Variants in DOCK9 observed in about 807,000 individuals in gnomAD.
The protein encoded by DOCK9 is dedicator of cytokinesis 9.
DOCK9 carries 89 observed loss-of-function variants against 263.3 expected under a neutral mutation model. That is an observed-to-expected ratio of 0.34 (90% confidence interval 0.28 to 0.40). The LOEUF is 0.40. DOCK9 is among the 10% of genes least tolerant of loss of function. DOCK9 has a pLI of 1.00. For synonymous variants in DOCK9, 976 were observed against 973.1 expected, an observed-to-expected ratio of 1.00 and a Z score of -0.06; for missense variants, 2,140 against 2,603.4, an observed-to-expected ratio of 0.82 and a Z score of 3.87.
At chr13:98,954,021 GA>G (rs1194055447) in intron 2 of DOCK9, among the ~76,000 whole-genome samples, 2 of 151,982 alleles carry the variant, frequency 1.3e-5, no homozygotes, top group East Asian at 3.8e-4. Flanking sequence ...AATTTGGTGG[GA>G]AAAAACCTTC....
chr13:99,087,570 C>T (rs1566415308), upstream of DOCK9, among the ~76,000 whole-genome samples: 1 of 152,164 alleles, frequency 6.6e-6, no homozygotes, highest in Non-Finnish European at 1.5e-5. Flanking sequence ...ACTTTCCCCC[C>T]AATACCCTAA....
intron 1 of DOCK9, among the ~76,000 whole-genome samples, chr13:98,968,357 A>G (rs1312993243): frequency 6.6e-6 from 1 of 152,158 alleles, no homozygotes; most frequent in Non-Finnish European, 1.5e-5. Context: ...GTGGTGGCTC[A>G]TGCATGTAAT....
intron 27 of DOCK9, among the ~76,000 whole-genome samples, chr13:98,869,476 C>T (rs1190792004): frequency 6.6e-6 from 1 of 152,200 alleles, no homozygotes; most frequent in East Asian, 1.9e-4. Flanking sequence ...GCTGCACTTC[C>T]CCTGTGTCTA....
chr13:98,835,587 A>T (rs2092961441), intron 39 of DOCK9, among the ~76,000 whole-genome samples: 1 of 152,192 alleles, frequency 6.6e-6, no homozygotes, highest in Non-Finnish European at 1.5e-5. Flanking sequence ...GCCCTTTGCC[A>T]CAGGACCAGT....
chr13:98,898,036 T>C, intron 14 of DOCK9, 143 bp downstream of exon 14: 1 of 648,992 alleles, frequency 1.5e-6, no homozygotes, highest in East Asian at 2.8e-5. Flanking sequence ...TACCAAATGA[T>C]TTTTTCAAAA....
At chr13:98,942,316 G>C (rs2056066270) in intron 2 of DOCK9, among the ~76,000 whole-genome samples, 3 of 148,976 alleles carry the variant, frequency 2.0e-5, no homozygotes, top group African/African-American at 7.5e-5. Flanking sequence ...TTGGCTCACT[G>C]CAAGATCCGC....
chr13:99,058,645 C>T (rs2041041000), intron 1 of DOCK9, among the ~76,000 whole-genome samples: 1 of 152,162 alleles, frequency 6.6e-6, no homozygotes. Flanking sequence ...TCCCCCCATC[C>T]ACCCTCACCC....
At chr13:98,905,445 G>A (rs1164478276) in intron 9 of DOCK9, among the ~76,000 whole-genome samples, 3 of 152,156 alleles carry the variant, frequency 2.0e-5, no homozygotes, top group Admixed American at 2.0e-4. Context: ...CACCTCCCAA[G>A]GGAAGGCCCA....
At chr13:98,856,121 G>T in intron 33 of DOCK9, 90 bp from the exon 34 acceptor site, 2 of 1,384,206 alleles carry the variant, frequency 1.4e-6, no homozygotes, top group African/African-American at 1.4e-5. Flanking sequence ...TGCTTTTATT[G>T]CACTTATTTT....
chr13:98,868,059 G>C (rs776986425), intron 28 of DOCK9, 48 bp from the exon 29 acceptor site: 1 of 1,579,958 alleles, frequency 6.3e-7, no homozygotes, highest in African/African-American at 1.3e-5. Flanking sequence ...CAAACATTTC[G>C]GAAATTTGGA....
intron 1 of DOCK9, among the ~76,000 whole-genome samples, chr13:99,033,902 G>C (rs867613385): frequency 3.0e-4 from 45 of 152,116 alleles, no homozygotes; most frequent in Admixed American, 7.9e-4. Flanking sequence ...GGAAAAAATA[G>C]AGATCAAAAT....
At position 98,855,990 on chromosome 13, in the gene DOCK9, T is replaced by C; in HGVS notation, c.3739A>G (p.Arg1247Gly). The C allele has an allele frequency of 6.2e-7, 1 of 1,613,990 alleles. No homozygotes were observed. Among genetic ancestry groups the C allele is most frequent in the Non-Finnish European group, 8.5e-7 (1 of 1,179,846 alleles). Residue 1247 changes from arginine to glycine, a missense_variant, in exon 34 of 53, where the codon AGA (arginine) becomes GGA (glycine). By Grantham distance (125) the Arg-to-Gly change is moderately radical. Around this residue, in one of 2 missense-constraint regions of DOCK9, gnomAD observed 1,521 missense variants for 1,741.7 expected, o/e 0.87. Coordinates refer to ENST00000682017, the MANE Select transcript of DOCK9 (RefSeq NM_001366683.2). The part of the protein sequence containing the change: ...TTSTPNINSV[R>G]NADSRGSLIS... Reference sequence around the variant, plus strand: ...AGAGATCCTCTCGAATCAGCATTTCTCACACTGTTGATGTTTGGAGTTGAG... The same window carrying C: ...AGAGATCCTCTCGAATCAGCATTTCCCACACTGTTGATGTTTGGAGTTGAG...
At chr13:98,817,425 G>A (rs936587357) in intron 45 of DOCK9, among the ~76,000 whole-genome samples, 21 of 141,044 alleles carry the variant, frequency 1.5e-4, no homozygotes, top group African/African-American at 5.0e-4. Context: ...CTTTATAGCA[G>A]TGTGAGAACA....
chr13:98,864,683 T>C (rs1015004440), intron 30 of DOCK9, among the ~76,000 whole-genome samples: 1 of 152,208 alleles, frequency 6.6e-6, no homozygotes, highest in Admixed American at 6.5e-5. Context: ...TGGTTGTGTG[T>C]ATGAATGTGC....
At chr13:99,013,581 G>A (rs545817921) in intron 1 of DOCK9, among the ~76,000 whole-genome samples, 2 of 152,332 alleles carry the variant, frequency 1.3e-5, no homozygotes, top group East Asian at 3.9e-4. Flanking sequence ...GGGTTAAGCA[G>A]GGGGTCACAG....
chr13:98,831,449 G>A lies in DOCK9; in HGVS notation c.4534C>T (p.Leu1512=). ...GAGGCCTCCGTCCTGATGGAGCTCA[G>A]CTTGGAGTTACAGCACTTGAGAATC... The part of the protein sequence containing the change: ...YEILKCCNSK[L]SSIRTEASQL... Residue 1512 remains leucine, a synonymous_variant, in exon 41 of 53, where the codon CTG becomes TTG. Transcript: ENST00000682017. The A allele has an allele frequency of 6.3e-7, 1 of 1,598,366 alleles. No individual in the cohort carries two copies. The highest frequency in any genetic ancestry group is 8.5e-7 in the Non-Finnish European group (1 of 1,172,060).
chr13:99,086,772 G>GTTC (rs2042357256), upstream of DOCK9: 1 of 147,776 alleles, frequency 6.8e-6, no homozygotes, highest in Non-Finnish European at 1.5e-5. Context: ...GGGCCAGGCA[G>GTTC]GTCGGCGCGG....
chr13:98,832,151 A>G (rs1212980205), intron 39 of DOCK9: 6 of 200,314 alleles, frequency 3.0e-5, no homozygotes, highest in South Asian at 2.3e-4. Flanking sequence ...CAGGTATGCG[A>G]TAATTATAGA....
intron 46 of DOCK9, among the ~76,000 whole-genome samples, chr13:98,809,704 C>T (rs1352683014): frequency 6.6e-6 from 1 of 152,166 alleles, no homozygotes; most frequent in African/African-American, 2.4e-5. Context: ...ACTCTGTTTT[C>T]AAGTTAAGAT....
Sources: gnomAD v4.1 joint callset for allele counts (sites outside exome capture counted in the v4.1 genomes callset) on GRCh38, gnomAD v4.1.1 for gene constraint, gnomAD v4.1.1 regional missense constraint, MANE v1.5 for transcripts, NCBI Gene and HGNC (gene_info 2026-07-23, HGNC 2026-07-21) for gene names.